SASH1: variants seen among roughly 807,000 people sequenced by gnomAD.
SASH1 encodes SAM and SH3 domain containing 1.
A neutral mutation model predicts 125.2 loss-of-function variants in SASH1; 44 were observed. The observed-to-expected ratio is 0.35, with a 90% CI of 0.28 to 0.45. SASH1 has a LOEUF of 0.45. Among genes scored for constraint, SASH1 ranks in the 20% least tolerant of loss-of-function variants. SASH1 has a pLI of 1.00. For synonymous variants in SASH1, 639 were observed against 649.1 expected, an observed-to-expected ratio of 0.98 and a Z score of 0.24; for missense variants, 1,426 against 1,614.5, an observed-to-expected ratio of 0.88 and a Z score of 2.00.
chr6:148,381,203 G>A (rs1783116963), intron 1 of SASH1, among the ~76,000 whole-genome samples: 1 of 152,178 alleles, frequency 6.6e-6, no homozygotes, highest in Admixed American at 6.6e-5. Flanking sequence ...AGGAAACTGA[G>A]TTTGTTCATA....
chr6:148,389,371 T>A (rs1783606968), intron 1 of SASH1, among the ~76,000 whole-genome samples: 1 of 152,218 alleles, frequency 6.6e-6, no homozygotes, highest in African/African-American at 2.4e-5. Context: ...ACGTGGCACT[T>A]GCCTTGGGGA....
chr6:148,201,466 C>G, the SASH1 span, among the ~76,000 whole-genome samples: 1 of 152,206 alleles, frequency 6.6e-6, no homozygotes, highest in African/African-American at 2.4e-5. Flanking sequence ...GGGCCCACCA[C>G]TGTGCATCTC....
the SASH1 span, among the ~76,000 whole-genome samples, chr6:148,193,800 G>A: frequency 6.6e-6 from 1 of 152,156 alleles, no homozygotes; most frequent in Non-Finnish European, 1.5e-5. Context: ...AAATGGCTTT[G>A]AATGAATTGT....
At chr6:148,324,118 C>CAAAAAAAAA (rs56950339) in intron 1 of SASH1, among the ~76,000 whole-genome samples, 12,158 of 59,108 alleles carry the variant, frequency 0.21, 3,649 homozygotes, top group East Asian at 0.27. Flanking sequence ...GAATCTGTCT[C>CAAAAAAAAA]AAAAAAAAAA....
At chr6:148,323,447 A>G (rs1163602885) in intron 1 of SASH1, among the ~76,000 whole-genome samples, 1 of 152,212 alleles carries the variant, frequency 6.6e-6, no homozygotes, top group Non-Finnish European at 1.5e-5. Flanking sequence ...CACTCATTTG[A>G]TAGTCACTGC....
the SASH1 span, among the ~76,000 whole-genome samples, chr6:148,245,765 ATCACGAGG>A: frequency 6.6e-6 from 1 of 152,196 alleles, no homozygotes; most frequent in Middle Eastern, 3.4e-3. Context: ...AGGCGGGTGG[ATCACGAGG>A]TCAGGAGATC....
intron 1 of SASH1, among the ~76,000 whole-genome samples, 181 bp from the exon 2 acceptor site, chr6:148,389,953 C>T (rs556902235): frequency 3.9e-4 from 59 of 152,092 alleles, no homozygotes; most frequent in Non-Finnish European, 7.1e-4. Context: ...AAAAACAGGC[C>T]CCTGTCAGAG....
chr6:148,402,651 G>GGT (rs1784218752), intron 2 of SASH1, among the ~76,000 whole-genome samples: 1 of 148,082 alleles, frequency 6.8e-6, no homozygotes, highest in Non-Finnish European at 1.5e-5. Context: ...GTCTCGCTCG[G>GGT]TCGCCCAGGC....
In SASH1 at chr6:148,487,644, T is replaced by G. The variant is rs781299374; in HGVS notation, c.658T>G (p.Ser220Ala). 2 of 1,613,682 alleles carry G rather than the reference T, an allele frequency of 1.2e-6. No homozygotes were observed. The highest frequency in any genetic ancestry group is 1.7e-5 in the Admixed American group (1 of 59,980). The change falls in exon 8 of 20, where the codon TCG (serine) becomes GCG (alanine). Residue 220 changes from serine to alanine, a missense_variant. By Grantham distance (99) the Ser-to-Ala change is moderately conservative. This residue lies in a region of SASH1 where 567 missense variants were observed against 575.6 expected (regional missense o/e 0.99). Transcript: ENST00000367467. ...LKEYEAQHRQ[S>A]AALDPADWPD... is the part of the protein sequence containing the mutation. ...GGAATACGAGGCCCAGCACCGGCAG[T>G]CGGCTGCCCTGGACCCTGCTGACTG...
At chr6:148,216,156 T>C in the SASH1 span, among the ~76,000 whole-genome samples, 2 of 152,172 alleles carry the variant, frequency 1.3e-5, no homozygotes, top group African/African-American at 4.8e-5. Flanking sequence ...GAAAACCTTT[T>C]CCCTGGCAGA....
chr6:148,391,719 A>G (rs919433091), intron 2 of SASH1, among the ~76,000 whole-genome samples: 2 of 152,250 alleles, frequency 1.3e-5, no homozygotes, highest in Non-Finnish European at 2.9e-5. Context: ...CTAGTAGTTC[A>G]AAATTGTATA....
chr6:148,222,322 A>G, the SASH1 span, among the ~76,000 whole-genome samples: 1 of 152,188 alleles, frequency 6.6e-6, no homozygotes, highest in Non-Finnish European at 1.5e-5. Flanking sequence ...TCTTGCCTTA[A>G]TTAAAACTAT....
chr6:148,444,519 G>A (rs1163685631), intron 4 of SASH1, among the ~76,000 whole-genome samples: 1 of 152,194 alleles, frequency 6.6e-6, no homozygotes, highest in African/African-American at 2.4e-5. Context: ...TGTGTGGAAA[G>A]AAAGAACAGA....
In SASH1 at chr6:148,551,474, C is replaced by A. The variant is rs563666278; in HGVS notation, c.*2916C>A. The A allele has an allele frequency of 6.4e-4, 98 of 152,488 alleles. No individual in the cohort carries two copies. The highest frequency in any genetic ancestry group is 2.3e-3 in the African/African-American group (97 of 41,570). 9.4% of individuals were successfully genotyped at this position (152,488 alleles called of 1,614,324 possible). A position where few individuals can be genotyped will look rare whatever the true frequency, so the allele number is the denominator to read the frequency against. ...TAGTACTATTTATGTACCCAGATAA[C>A]TAAGATATTGTTTCATGGCCTTGCC... is the stretch of plus-strand genomic sequence containing the variant. On this transcript the variant is annotated 3_prime_UTR_variant, in exon 20 of 20. Coordinates refer to ENST00000367467, the MANE Select transcript of SASH1 (RefSeq NM_015278.5).
intron 5 of SASH1, among the ~76,000 whole-genome samples, chr6:148,471,069 C>T (rs2115123044): frequency 6.6e-6 from 1 of 151,900 alleles, no homozygotes; most frequent in South Asian, 2.1e-4. Flanking sequence ...GTGGCTAAGA[C>T]CAAAGGGGGG....
chr6:148,270,421 G>A (rs954116999), upstream of SASH1, among the ~76,000 whole-genome samples: 25 of 152,188 alleles, frequency 1.6e-4, no homozygotes, highest in African/African-American at 6.0e-4. Context: ...TGCTAAATAA[G>A]TGCATTACTG....
chr6:148,200,498 T>C, the SASH1 span, among the ~76,000 whole-genome samples: 27 of 152,338 alleles, frequency 1.8e-4, no homozygotes, highest in East Asian at 2.9e-3. Flanking sequence ...TTCTGTCCAG[T>C]GTGATTCTGG....
Position 148,335,103 on chromosome 6 carries a change from GC to G in SASH1, n.75-55029del, listed in dbSNP as rs773872204. ...ACCTGAGGTCGGGAGTTTGAGACCA[GC>G]CTGGCCAACATGGTGAAACCCTGTC... is the stretch of plus-strand genomic sequence containing the variant. On this transcript the variant is annotated intron_variant and non_coding_transcript_variant, in intron 1 of 3. Coordinates refer to the SASH1 transcript ENST00000367469. Among the ~76,000 whole-genome samples, 396 of 151,900 alleles carry G rather than the reference GC, an allele frequency of 2.6e-3. 7 individuals carry two copies. The highest frequency in any genetic ancestry group is 2.2e-3 in the Non-Finnish European group (147 of 67,928).
intron 2 of SASH1, among the ~76,000 whole-genome samples, chr6:148,429,210 A>G (rs1241449917): frequency 6.6e-6 from 1 of 152,082 alleles, no homozygotes. Context: ...CCCATGCAGT[A>G]AAATTGCAAA....
Sources: gnomAD v4.1 joint callset for allele counts (sites outside exome capture counted in the v4.1 genomes callset) on GRCh38, gnomAD v4.1.1 for gene constraint, gnomAD v4.1.1 regional missense constraint, MANE v1.5 for transcripts, NCBI Gene and HGNC (gene_info 2026-07-23, HGNC 2026-07-21) for gene names.